Variants in PITX1 observed in about 807,000 individuals in gnomAD.
PITX1 encodes the protein paired like homeodomain 1.
PITX1 carries 5 observed loss-of-function variants against 24.1 expected under a neutral mutation model. That is an observed-to-expected ratio of 0.21 (90% CI 0.11 to 0.44). The LOEUF is 0.44. PITX1 is among the 20% of genes least tolerant of loss of function. PITX1 has a pLI of 0.99. For synonymous variants in PITX1, 213 were observed against 208.9 expected (o/e 1.02, Z -0.17); for missense variants, 401 against 455.4 (o/e 0.88, Z 1.09).
intron 2 of PITX1, 37 bp from the exon 3 acceptor site, chr5:135,029,358 C>A (rs1443947799): frequency 2.0e-6 from 3 of 1,533,254 alleles, no homozygotes; most frequent in Non-Finnish European, 2.6e-6. Context: ...AGGGCCGCTG[C>A]GGGCCGGGAG....
intron 1 of PITX1, among the ~76,000 whole-genome samples, chr5:135,032,608 C>T (rs945478532): frequency 6.6e-6 from 1 of 152,184 alleles, no homozygotes; most frequent in Admixed American, 6.5e-5. Context: ...ACCTACACTT[C>T]GTACGTTAAT....
Position 135,028,842 on chromosome 5 carries a change from C to T in PITX1, c.882G>A (p.Ser294=). 2 of 1,613,552 alleles carry T rather than the reference C, an allele frequency of 1.2e-6. No homozygotes were observed. Among genetic ancestry groups the T allele is most frequent in the East Asian group, 2.2e-5 (1 of 44,844 alleles). The change falls in exon 3 of 3, where the codon TCG becomes TCA. Residue 294 remains serine, a synonymous_variant. Transcript: ENST00000265340. ...SLRLKSKQHS[S]FGYGGLQGPA... is the part of the protein sequence containing the mutation. ...GGCCCTGCAGGCCGCCGTAGCCAAACGACGAGTGCTGTTTGGACTTGAGCC... is the reference window on the plus strand; with the variant it reads ...GGCCCTGCAGGCCGCCGTAGCCAAATGACGAGTGCTGTTTGGACTTGAGCC...
In PITX1 at chr5:135,028,859, A is replaced by C. The variant is rs902010938; in HGVS notation, c.865T>G (p.Ser289Ala). The C allele has an allele frequency of 2.5e-6, 4 of 1,613,580 alleles. No individual in the cohort carries two copies. Among genetic ancestry groups the C allele is most frequent in the Non-Finnish European group, 3.4e-6 (4 of 1,179,866 alleles). ...TAGCCAAACGACGAGTGCTGTTTGG[A>C]CTTGAGCCGCAGGCTGGCTAGGCTC... ...NSSLASLRLKSKQHSSFGYGG... is the reference protein window; with the variant it reads ...NSSLASLRLKAKQHSSFGYGG... Residue 289 changes from serine to alanine, a missense_variant, in exon 3 of 3, where the codon TCC becomes GCC. Ser to Ala is a moderately conservative substitution (Grantham distance 99). Around this residue, in one of 3 missense-constraint regions of PITX1, gnomAD observed 217 missense variants for 219.8 expected, o/e 0.99. Transcript: ENST00000265340.
Position 135,033,130 on chromosome 5 carries a change from A to G in PITX1, c.169+583T>C. On this transcript the variant is annotated intron_variant, in intron 1 of 2. Transcript: ENST00000265340. This position sits in a 1 kb window ranked among gnomAD's most constrained non-coding sequence, Gnocchi z 5.9. ...CCGCGCACGTGGGCCGGATCCCTTG[A>G]TCGGCGTTCCGGCTGGCCTTGCTGG... 1 of 355,632 alleles carries G rather than the reference A, an allele frequency of 2.8e-6. No homozygotes were observed. Among genetic ancestry groups the G allele is most frequent in the South Asian group, 2.0e-5 (1 of 50,340 alleles). 22.0% of individuals were successfully genotyped at this position (355,632 alleles called of 1,614,324 possible). A position where few individuals can be genotyped will look rare whatever the true frequency, so the allele number is the denominator to read the frequency against.
In PITX1 at chr5:135,033,791, A is replaced by T; in HGVS notation, c.91T>A (p.Phe31Ile). Residue 31 changes from phenylalanine (F) to isoleucine (I), a missense_variant, in exon 1 of 3, where the codon TTC becomes ATC. Coordinates refer to ENST00000265340, the MANE Select transcript of PITX1 (RefSeq NM_002653.5). The surrounding 1 kb of genome is among the most constrained non-coding windows in gnomAD (Gnocchi z 5.9). ...PPPPHDMGPA[F>I]HLARPADPRE... ...GGGTCGGCGGGCCGGGCCAGGTGGA[A>T]GGCGGGCCCCATGTCATGGGGTGGC... 1 of 1,581,214 alleles carries T rather than the reference A, an allele frequency of 6.3e-7. No individual in the cohort carries two copies. The highest frequency in any genetic ancestry group is 8.5e-7 in the Non-Finnish European group (1 of 1,171,642).
At chr5:135,032,413 A>T (rs6596188) in intron 1 of PITX1, among the ~76,000 whole-genome samples, 30,344 of 152,210 alleles carry the variant, frequency 0.2, 4,608 homozygotes, top group African/African-American at 0.42. Flanking sequence ...CTCCTTCCCA[A>T]TAAGGCCCTT....
At position 135,034,008 on chromosome 5, in the gene PITX1, A is replaced by T; in HGVS notation, c.-127T>A. 1 of 483,666 alleles carries T rather than the reference A, an allele frequency of 2.1e-6. No individual in the cohort carries two copies. The highest frequency in any genetic ancestry group is 3.0e-6 in the Non-Finnish European group (1 of 329,844). 30.0% of individuals were successfully genotyped at this position (483,666 alleles called of 1,614,324 possible). On this transcript the variant is annotated 5_prime_UTR_variant, in exon 1 of 3. Transcript: ENST00000265340. The stretch of plus-strand genomic sequence containing the variant: ...GCCCTCCAGGGCTGCCGGCGCCTGC[A>T]GCGACGCCGTGCCCGCCCCATGGAC...
At position 135,032,956 on chromosome 5, in the gene PITX1, C is replaced by T. The variant is rs537590608; in HGVS notation, c.169+757G>A. 7.3e-4 allele frequency: 329 copies of T among 447,986 alleles called. 4 individuals carry two copies. Among genetic ancestry groups the T allele is most frequent in the African/African-American group, 5.5e-3 (274 of 49,630 alleles). The allele number at this position is 447,986 out of a possible 1,614,324, so 27.8% of individuals were successfully genotyped here. ...GAACCCGGCCGGCTGCGCTGGGCAG[C>T]GGATTCGCTGCCCCACTGCCCGCGC... On this transcript the variant is annotated intron_variant, in intron 1 of 2. Transcript: ENST00000265340.
In PITX1 at chr5:135,029,284, C is replaced by T. The variant is rs1360539859; in HGVS notation, c.440G>A (p.Arg147His). Reference sequence around the variant, plus strand: ...CAGGTCCAGCTGCTGGTTACGCTCGCGCTTACGCCACTTGGCTCGCCGGTT... The same window carrying T: ...CAGGTCCAGCTGCTGGTTACGCTCGTGCTTACGCCACTTGGCTCGCCGGTT... ...FKNRRAKWRK[R>H]ERNQQLDLCK... The change falls in exon 3 of 3, where the codon CGC becomes CAC. Residue 147 changes from arginine (R) to histidine (H), a missense_variant. Around this residue, in one of 3 missense-constraint regions of PITX1, gnomAD observed 48 missense variants for 102.2 expected, o/e 0.47. Coordinates refer to ENST00000265340, the MANE Select transcript of PITX1 (RefSeq NM_002653.5). 1.9e-6 allele frequency: 3 copies of T among 1,606,308 alleles called. No individual in the cohort carries two copies. Among genetic ancestry groups the T allele is most frequent in the Admixed American group, 1.7e-5 (1 of 59,588 alleles).
At chr5:135,029,834 C>T (rs1425819186) in intron 2 of PITX1, among the ~76,000 whole-genome samples, 3 of 152,164 alleles carry the variant, frequency 2.0e-5, no homozygotes, top group Non-Finnish European at 4.4e-5. Context: ...TATTTTCGTT[C>T]AGTCCACCCC....
At chr5:135,034,647 C>G (rs370781862), upstream of PITX1, 1 of 152,466 alleles carries the variant, frequency 6.6e-6, no homozygotes, top group East Asian at 1.9e-4. Flanking sequence ...CTGGCGAGAA[C>G]AGCCCAGGAT....
intron 2 of PITX1, 125 bp from the exon 3 acceptor site, chr5:135,029,446 C>T (rs1405674508): frequency 2.8e-6 from 2 of 715,780 alleles, no homozygotes; most frequent in South Asian, 1.9e-5. Context: ...CTCCTTCGAC[C>T]GATATTTCCG....
At chr5:135,034,740 T>G (rs1265556885), upstream of PITX1, 1 of 152,278 alleles carries the variant, frequency 6.6e-6, no homozygotes, top group Non-Finnish European at 1.5e-5. Context: ...CGGGGCCCGT[T>G]CCGGCAGCTC....
Position 135,028,955 on chromosome 5 carries a change from T to A in PITX1, c.769A>T (p.Met257Leu). The change falls in exon 3 of 3, where the codon ATG becomes TTG. Residue 257 changes from methionine (M) to leucine (L), a missense_variant. This residue lies in a region of PITX1 where 217 missense variants were observed against 219.8 expected (regional missense o/e 0.99). Transcript: ENST00000265340. ...CCGTACGGGCAAGCGCCCGGCGACA[T>A]GGCCGAGTTGAGCGAGGAGCCGGTG... ...NLTGSSLNSA[M>L]SPGACPYGTP... 6.2e-7 allele frequency: 1 copy of A among 1,614,010 alleles called. No individual in the cohort carries two copies. The highest frequency in any genetic ancestry group is 8.5e-7 in the Non-Finnish European group (1 of 1,179,984).
At chr5:135,031,225 G>A (rs754198056) in intron 2 of PITX1, 51 bp downstream of exon 2, 4 of 1,420,526 alleles carry the variant, frequency 2.8e-6, no homozygotes, top group African/African-American at 2.8e-5. Context: ...CAGCAGAGGC[G>A]GCCCGGGAGC....
At chr5:135,030,038 C>T (rs1448360122) in intron 2 of PITX1, among the ~76,000 whole-genome samples, 1 of 152,098 alleles carries the variant, frequency 6.6e-6, no homozygotes, top group Non-Finnish European at 1.5e-5. Context: ...TCTTTCCTGC[C>T]GCCTAAATAT....
In PITX1 at chr5:135,031,262, C is replaced by T. The variant is rs1752441087; in HGVS notation, c.402+14G>A. ...CTCTGCGCGGGTGCCCTTAGGCGCG[C>T]ACCCCTTGCTCACCCGCACGCGCGG... On this transcript the variant is annotated intron_variant, in intron 2 of 2. Transcript: ENST00000265340. 1 of 1,610,916 alleles carries T rather than the reference C, an allele frequency of 6.2e-7. No homozygotes were observed. The highest frequency in any genetic ancestry group is 1.1e-5 in the South Asian group (1 of 91,012).
intron 2 of PITX1, among the ~76,000 whole-genome samples, chr5:135,030,590 A>G (rs966331320): frequency 4.6e-5 from 7 of 152,306 alleles, no homozygotes; most frequent in Middle Eastern, 3.4e-3. Flanking sequence ...GGGTGAGAAG[A>G]GGGAGAATGC....
Position 135,031,363 on chromosome 5 carries a change from C to T in PITX1, c.315G>A (p.Glu105=). ...HFTSQQLQEL[E]ATFQRNRYPD... Reference sequence around the variant, plus strand: ...GGTAGCGGTTCCTCTGGAACGTGGCCTCTAGCTCTTGCAACTGCTGGCTTG... The same window carrying T: ...GGTAGCGGTTCCTCTGGAACGTGGCTTCTAGCTCTTGCAACTGCTGGCTTG... Residue 105 remains glutamate, a synonymous_variant, in exon 2 of 3, where the codon GAG becomes GAA. Coordinates refer to ENST00000265340, the MANE Select transcript of PITX1 (RefSeq NM_002653.5). 1.9e-6 allele frequency: 3 copies of T among 1,614,114 alleles called. No homozygotes were observed. The highest frequency in any genetic ancestry group is 2.2e-5 in the South Asian group (2 of 91,084).
Sources: gnomAD v4.1 joint callset for allele counts (sites outside exome capture counted in the v4.1 genomes callset) on GRCh38, gnomAD v4.1.1 for gene constraint, gnomAD v4.1.1 regional missense constraint, Gnocchi (gnomAD v3.1) non-coding constraint, MANE v1.5 for transcripts, NCBI Gene and HGNC (gene_info 2026-07-23, HGNC 2026-07-21) for gene names.